Variants in ANXA8 observed in about 807,000 individuals in gnomAD.
The protein encoded by ANXA8 is annexin A8, also known as VAC-beta.
In ANXA8, 9 loss-of-function variants were observed where a neutral mutation model predicts 26.8. That is an observed-to-expected ratio of 0.34 (90% CI 0.20 to 0.59). ANXA8 has a LOEUF of 0.59. Among genes scored for constraint, ANXA8 ranks in the 20% least tolerant of loss-of-function variants. The probability of loss-of-function intolerance (pLI) is 0.84; values close to 1 mark genes in which losing one functional copy is unlikely to be tolerated. For synonymous variants in ANXA8, 39 were observed against 94.8 expected (o/e 0.41, Z 3.42); for missense variants, 83 against 238.5 (o/e 0.35, Z 4.29).
the ANXA8 span, among the ~76,000 whole-genome samples, chr10:47,970,755 C>G: frequency 6.6e-6 from 1 of 151,330 alleles, no homozygotes; most frequent in Non-Finnish European, 1.5e-5. Flanking sequence ...TTTTCACAGG[C>G]CCTGAAAAAA....
At chr10:47,502,510 G>C in the ANXA8 span, 1 of 1,613,060 alleles carries the variant, frequency 6.2e-7, no homozygotes. Flanking sequence ...GATGCTGTTG[G>C]CTAGCTCATT....
At chr10:47,650,546 C>T in the ANXA8 span, among the ~76,000 whole-genome samples, 2 of 149,966 alleles carry the variant, frequency 1.3e-5, no homozygotes, top group Admixed American at 6.6e-5. Flanking sequence ...GTGGCTCACG[C>T]CTGTAATCCC....
the ANXA8 span, among the ~76,000 whole-genome samples, chr10:47,644,583 C>G: frequency 6.6e-6 from 1 of 152,162 alleles, no homozygotes; most frequent in East Asian, 1.9e-4. Context: ...GTAGTAAAAT[C>G]TTGCTTTTTA....
At chr10:47,488,713 A>ATTTTTTTTTTTTTT (rs1160121365), upstream of ANXA8, among the ~76,000 whole-genome samples, 41 of 62,110 alleles carry the variant, frequency 6.6e-4, no homozygotes, top group Non-Finnish European at 7.1e-4. Context: ...TACATGTTAA[A>ATTTTTTTTTTTTTT]TTTTTTTTTT....
the ANXA8 span, among the ~76,000 whole-genome samples, chr10:47,610,693 C>A: frequency 4.7e-5 from 7 of 150,352 alleles, no homozygotes; most frequent in African/African-American, 7.4e-5. Flanking sequence ...CAGAACACTG[C>A]AACAGCTATA....
At chr10:47,733,162 TTTCTTTCTTTCTTTC>T in the ANXA8 span, among the ~76,000 whole-genome samples, 2 of 97,974 alleles carry the variant, frequency 2.0e-5, no homozygotes, top group Admixed American at 1.1e-4. Context: ...TCTTTCTTTC[TTTCTTTCTTTCTTTC>T]TTTCTTTCTT....
chr10:47,949,177 ATATAT>A, the ANXA8 span, among the ~76,000 whole-genome samples: 1 of 120,344 alleles, frequency 8.3e-6, no homozygotes, highest in East Asian at 2.4e-4. Context: ...ATATATAGTT[ATATAT>A]TATATTTAAG....
At chr10:47,585,135 C>G in the ANXA8 span, among the ~76,000 whole-genome samples, 1 of 141,486 alleles carries the variant, frequency 7.1e-6, no homozygotes, top group Non-Finnish European at 1.5e-5. Flanking sequence ...TGGTGGTGGG[C>G]GCCTGTAATC....
At chr10:47,682,509 G>T in the ANXA8 span, among the ~76,000 whole-genome samples, 1 of 138,088 alleles carries the variant, frequency 7.2e-6, no homozygotes, top group East Asian at 2.1e-4. Context: ...TCGCTCTGTC[G>T]CCCAGGCTGG....
chr10:47,894,872 C>A, the ANXA8 span, among the ~76,000 whole-genome samples: 137 of 152,110 alleles, frequency 9.0e-4, no homozygotes, highest in Non-Finnish European at 1.4e-3. Flanking sequence ...CACTCACATA[C>A]CCTACACAAT....
the ANXA8 span, among the ~76,000 whole-genome samples, chr10:47,969,223 C>T: frequency 6.6e-6 from 1 of 151,406 alleles, no homozygotes; most frequent in African/African-American, 2.4e-5. Context: ...CACAGTTACA[C>T]CGACCTGACA....
At chr10:47,693,962 G>A in the ANXA8 span, among the ~76,000 whole-genome samples, 2 of 151,884 alleles carry the variant, frequency 1.3e-5, no homozygotes, top group Non-Finnish European at 2.9e-5. Context: ...TTCCCAGACT[G>A]TAAAAGAGGG....
At chr10:47,486,464 G>A (rs1840049577), upstream of ANXA8, among the ~76,000 whole-genome samples, 1 of 139,092 alleles carries the variant, frequency 7.2e-6, no homozygotes, top group African/African-American at 2.6e-5. Context: ...GCCCCTTCCT[G>A]ACATGAAAGA....
chr10:47,511,025 G>T, the ANXA8 span, among the ~76,000 whole-genome samples: 1 of 126,762 alleles, frequency 7.9e-6, no homozygotes, highest in Non-Finnish European at 1.6e-5. Flanking sequence ...CTCACTGCAA[G>T]CTCCGCCTCC....
the ANXA8 span, chr10:47,986,364 T>C: frequency 5.2e-6 from 1 of 192,424 alleles, no homozygotes; most frequent in African/African-American, 2.4e-5. Context: ...GTTATAGGAA[T>C]TCTTAAATAC....
the ANXA8 span, among the ~76,000 whole-genome samples, chr10:47,591,219 G>A: frequency 6.9e-6 from 1 of 145,494 alleles, no homozygotes. Flanking sequence ...GCACAGGCGG[G>A]TCACTTCAGG....
chr10:47,565,990 G>C, the ANXA8 span: 551 of 1,438,162 alleles, frequency 3.8e-4, 5 homozygotes, highest in South Asian at 4.8e-3. Flanking sequence ...GGAGCTTCTC[G>C]GGCAGCGTGG....
At chr10:47,495,659 A>AGAGGAG in the ANXA8 span, among the ~76,000 whole-genome samples, 495 of 120,626 alleles carry the variant, frequency 4.1e-3, 13 homozygotes, top group South Asian at 8.2e-3. Flanking sequence ...CTGAGGAGGA[A>AGAGGAG]GAGGAGGAGG....
the ANXA8 span, among the ~76,000 whole-genome samples, chr10:47,645,134 T>C: frequency 6.6e-6 from 1 of 151,184 alleles, no homozygotes; most frequent in Admixed American, 6.6e-5. Context: ...GAAAAAATAA[T>C]GTCTAATAAT....
Sources: gnomAD v4.1 joint callset for allele counts (sites outside exome capture counted in the v4.1 genomes callset) on GRCh38, gnomAD v4.1.1 for gene constraint, MANE v1.5 for transcripts, NCBI Gene and HGNC (gene_info 2026-07-23, HGNC 2026-07-21) for gene names.